The following CCDC91 variants were observed in gnomAD, a reference collection of about 807,000 sequenced individuals.
CCDC91 encodes coiled-coil domain containing 91, also known as coiled-coil domain-containing protein 91.
CCDC91 carries 48 observed loss-of-function variants against 63.2 expected under a neutral mutation model. The observed-to-expected ratio is 0.76, with a 90% CI of 0.60 to 0.97. CCDC91 has a LOEUF of 0.97. CCDC91 is among the 50% of genes least tolerant of loss of function. The pLI is 0.00. For synonymous variants in CCDC91, 167 were observed against 165.8 expected (o/e 1.01, Z -0.06); for missense variants, 500 against 494.6 (o/e 1.01, Z -0.10).
At chr12:28,394,138 A>G (rs1230228380) in intron 8 of CCDC91, among the ~76,000 whole-genome samples, 1 of 152,206 alleles carries the variant, frequency 6.6e-6, no homozygotes, top group Non-Finnish European at 1.5e-5. Context: ...TAGGATTATA[A>G]GCGGTTCAGT....
chr12:28,524,118 T>C, intron 12 of CCDC91, among the ~76,000 whole-genome samples: 1 of 152,130 alleles, frequency 6.6e-6, no homozygotes, highest in African/African-American at 2.4e-5. Flanking sequence ...CCAAAATTCT[T>C]TCTCTTTTCT....
intron 8 of CCDC91, among the ~76,000 whole-genome samples, chr12:28,447,901 T>A (rs1156678551): frequency 3.3e-5 from 5 of 150,208 alleles, no homozygotes; most frequent in Non-Finnish European, 5.9e-5. Context: ...TCTGAATCAT[T>A]TGTCCTAATA....
At chr12:28,282,133 C>T (rs1478405642) in intron 3 of CCDC91, among the ~76,000 whole-genome samples, 1 of 152,060 alleles carries the variant, frequency 6.6e-6, no homozygotes, top group Non-Finnish European at 1.5e-5. Context: ...GAATAAAATA[C>T]AGCCTCACGT....
chr12:28,289,622 T>A (rs1311438901), intron 3 of CCDC91, among the ~76,000 whole-genome samples: 1 of 151,844 alleles, frequency 6.6e-6, no homozygotes, highest in East Asian at 1.9e-4. Context: ...TCAGAATACA[T>A]GCCCTGTAGC....
At chr12:28,467,941 C>T (rs189398359) in intron 11 of CCDC91, among the ~76,000 whole-genome samples, 1 of 151,968 alleles carries the variant, frequency 6.6e-6, no homozygotes, top group East Asian at 1.9e-4. Flanking sequence ...TGTGATACAG[C>T]AAAAGCAGTA....
At chr12:28,484,715 A>G (rs959993939) in intron 12 of CCDC91, among the ~76,000 whole-genome samples, 2 of 152,016 alleles carry the variant, frequency 1.3e-5, no homozygotes, top group East Asian at 1.9e-4. Flanking sequence ...GTTAGTCTGA[A>G]GAGTAGCTGA....
At chr12:28,477,226 A>G (rs1192686588) in intron 11 of CCDC91, among the ~76,000 whole-genome samples, 1 of 152,186 alleles carries the variant, frequency 6.6e-6, no homozygotes. Context: ...CCTCAATAAA[A>G]TACTGGCAAA....
intron 3 of CCDC91, among the ~76,000 whole-genome samples, chr12:28,267,945 A>G (rs1291236465): frequency 1.9e-5 from 2 of 103,676 alleles, no homozygotes; most frequent in East Asian, 2.3e-4. Context: ...ATTATATATA[A>G]TTATTATATA....
intron 8 of CCDC91, among the ~76,000 whole-genome samples, chr12:28,397,752 T>C (rs866866547): frequency 2.0e-5 from 3 of 152,182 alleles, no homozygotes; most frequent in Admixed American, 1.3e-4. Context: ...ATGCTATTTA[T>C]AATTCCTTAA....
At chr12:28,342,920 A>G (rs1002667956) in intron 6 of CCDC91, among the ~76,000 whole-genome samples, 6 of 152,264 alleles carry the variant, frequency 3.9e-5, no homozygotes, top group African/African-American at 1.4e-4. Flanking sequence ...AAGTTTGTAG[A>G]CAGACAGAAT....
chr12:28,421,680 T>A (rs913752176), intron 8 of CCDC91, among the ~76,000 whole-genome samples: 1 of 152,018 alleles, frequency 6.6e-6, no homozygotes, highest in African/African-American at 2.4e-5. Flanking sequence ...AACAGTTTCC[T>A]GAAGAAGAAG....
chr12:28,193,225 GT>G (rs1310469532), intron 1 of CCDC91, among the ~76,000 whole-genome samples: 1 of 152,180 alleles, frequency 6.6e-6, no homozygotes, highest in East Asian at 1.9e-4. Flanking sequence ...GCAAGTCTTT[GT>G]GTAGACATAT....
At chr12:28,234,334 A>G (rs1944790621) in intron 1 of CCDC91, among the ~76,000 whole-genome samples, 1 of 152,138 alleles carries the variant, frequency 6.6e-6, no homozygotes, top group Non-Finnish European at 1.5e-5. Context: ...AAGTGTAGTG[A>G]GACAGTTGCA....
At chr12:28,303,357 T>C (rs1247656433) in intron 3 of CCDC91, among the ~76,000 whole-genome samples, 1 of 152,008 alleles carries the variant, frequency 6.6e-6, no homozygotes, top group African/African-American at 2.4e-5. Flanking sequence ...CTTCAACCTC[T>C]CCCTTTCATC....
chr12:28,352,115 A>G (rs1287912092), intron 6 of CCDC91, among the ~76,000 whole-genome samples: 1 of 152,218 alleles, frequency 6.6e-6, no homozygotes, highest in Non-Finnish European at 1.5e-5. Flanking sequence ...AATACCATTC[A>G]TGTCTAAAAA....
rs1360495350 is a variant in CCDC91 at position 28,363,254 on chromosome 12, GT to G, written c.654+743del. Among the ~76,000 whole-genome samples the G allele has an allele frequency of 6.6e-5, 10 of 151,902 alleles. No individual in the cohort carries two copies. The East Asian group carries it at 1.9e-3, about 29-fold the overall frequency. ...TTAAATGCTCATAACAAGCTATATA[GT>G]TTTGAATTGATTAAAAAAAATGTTA... On this transcript the variant is annotated intron_variant, in intron 7 of 12. Transcript: ENST00000536442.
intron 8 of CCDC91, among the ~76,000 whole-genome samples, chr12:28,399,253 A>G (rs1486748378): frequency 6.6e-6 from 1 of 152,184 alleles, no homozygotes; most frequent in African/African-American, 2.4e-5. Flanking sequence ...TTCACATGAC[A>G]GCAGCAAGGA....
intron 12 of CCDC91, among the ~76,000 whole-genome samples, chr12:28,504,023 C>T (rs903998567): frequency 4.0e-5 from 6 of 151,816 alleles, no homozygotes; most frequent in African/African-American, 1.5e-4. Flanking sequence ...CAGCATGGCA[C>T]ATGTATACAT....
intron 11 of CCDC91, among the ~76,000 whole-genome samples, chr12:28,477,568 G>A (rs1311758013): frequency 1.3e-5 from 2 of 152,170 alleles, no homozygotes; most frequent in African/African-American, 2.4e-5. Flanking sequence ...AGACAGGGAT[G>A]CCCTCTCTCA....
Sources: gnomAD v4.1 joint callset for allele counts (sites outside exome capture counted in the v4.1 genomes callset) on GRCh38, gnomAD v4.1.1 for gene constraint, MANE v1.5 for transcripts, NCBI Gene and HGNC (gene_info 2026-07-23, HGNC 2026-07-21) for gene names.